The following ZNF654 variants were observed in gnomAD, a reference collection of about 807,000 sequenced individuals.
ZNF654 encodes the protein zinc finger protein 654, also known as melanoma-associated antigen.
A neutral mutation model predicts 95.3 loss-of-function variants in ZNF654; 19 were observed. That is an observed-to-expected ratio of 0.20 (90% CI 0.14 to 0.29). ZNF654 has a LOEUF of 0.29. ZNF654 is among the 10% of genes least tolerant of loss of function. The pLI, the probability that ZNF654 is intolerant of heterozygous loss-of-function variation, is 1.00. For synonymous variants in ZNF654, 413 were observed against 457.9 expected (o/e 0.90, Z 1.25); for missense variants, 1,046 against 1,341.0 (o/e 0.78, Z 3.44).
rs1706989064 is a variant in ZNF654, at chr3:88,139,503, G to C, written c.1834G>C (p.Glu612Gln). The C allele has an allele frequency of 6.2e-7, 1 of 1,613,482 alleles. No individual in the cohort carries two copies. Among genetic ancestry groups the C allele is most frequent in the Admixed American group, 1.7e-5 (1 of 59,940 alleles). The change falls in exon 8 of 9, where the codon GAA (glutamate) becomes CAA (glutamine). Residue 612 changes from glutamate (E) to glutamine (Q), a missense_variant. Coordinates refer to ENST00000636215, the MANE Select transcript of ZNF654 (RefSeq NM_001350134.2). ...TGCTGCAGCTCAACAGGATGATCAGGAAGTCACTGCTTTGGAAGAAATAAA... is the reference window on the plus strand; with the variant it reads ...TGCTGCAGCTCAACAGGATGATCAGCAAGTCACTGCTTTGGAAGAAATAAA... ...QIAAAQQDDQ[E>Q]VTALEEINCS...
chr3:88,132,007 A>G (rs778548719), intron 6 of ZNF654, among the ~76,000 whole-genome samples: 2 of 152,118 alleles, frequency 1.3e-5, no homozygotes, highest in Non-Finnish European at 2.9e-5. Flanking sequence ...CTTCACAATC[A>G]TTAATAATAA....
chr3:88,076,573 T>C (rs1316796822), intron 1 of ZNF654, among the ~76,000 whole-genome samples: 2 of 152,100 alleles, frequency 1.3e-5, no homozygotes, highest in Non-Finnish European at 2.9e-5. Flanking sequence ...TCATCTGTTT[T>C]GTTTTGTTTT....
At chr3:88,084,659 T>C (rs1708247263) in intron 1 of ZNF654, among the ~76,000 whole-genome samples, 2 of 152,202 alleles carry the variant, frequency 1.3e-5, no homozygotes, top group Admixed American at 1.3e-4. Flanking sequence ...TGTCAAGAAC[T>C]GTGAAGAGTG....
intron 2 of ZNF654, among the ~76,000 whole-genome samples, chr3:88,099,588 C>G (rs1704281151): frequency 6.6e-6 from 1 of 152,080 alleles, no homozygotes; most frequent in Admixed American, 6.6e-5. Flanking sequence ...TACAAGGCTA[C>G]AGTAACCAAA....
Position 88,116,834 on chromosome 3 carries a change from C to A in ZNF654, c.414+3638C>A, listed in dbSNP as rs138367562. 2.6e-3 allele frequency among the ~76,000 whole-genome samples: 399 copies of A among 152,128 alleles called. 1 individual carries two copies. Among genetic ancestry groups the A allele is most frequent in the African/African-American group, 9.3e-3 (388 of 41,522 alleles). On this transcript the variant is annotated intron_variant, in intron 3 of 8. Transcript: ENST00000636215. ...TTAAACTGTAGTACATGTAAACTTT[C>A]TTCTTCTCTCTTTGTTTGGGCATGA... is the stretch of plus-strand genomic sequence containing the variant.
chr3:88,064,359 A>T (rs1707075551), intron 1 of ZNF654, among the ~76,000 whole-genome samples: 1 of 152,080 alleles, frequency 6.6e-6, no homozygotes, highest in African/African-American at 2.4e-5. Context: ...CACTATGTAC[A>T]CTTTGATTAT....
chr3:88,080,009 G>T (rs1293283204), intron 1 of ZNF654, among the ~76,000 whole-genome samples: 1 of 151,806 alleles, frequency 6.6e-6, no homozygotes, highest in Non-Finnish European at 1.5e-5. Flanking sequence ...TGATAGAAAA[G>T]GTCAAATTGA....
rs1707034331 is a variant in ZNF654, at chr3:88,140,191, T to TC, written c.2522_2523insC (p.Phe842IlefsTer6). On this transcript the variant is annotated frameshift_variant, in exon 8 of 9. Transcript: ENST00000636215. LOFTEE classifies it high-confidence loss of function. ...GCCCAGCACACAAAAAGTCACAGGATATTTCAGGCTCAGTGTAGTTTTCCA... is the reference window on the plus strand; with the variant it reads ...GCCCAGCACACAAAAAGTCACAGGATCATTTCAGGCTCAGTGTAGTTTTCCA... 32 of 1,613,554 alleles carry TC rather than the reference T, an allele frequency of 2.0e-5. No individual in the cohort carries two copies. Among genetic ancestry groups the TC allele is most frequent in the Non-Finnish European group, 2.7e-5 (32 of 1,179,754 alleles).
At chr3:88,097,693 C>CA (rs1704145107) in intron 2 of ZNF654, among the ~76,000 whole-genome samples, 1 of 152,162 alleles carries the variant, frequency 6.6e-6, no homozygotes, top group Non-Finnish European at 1.5e-5. Context: ...CAAAACCGCT[C>CA]AACTACATGG....
intron 3 of ZNF654, among the ~76,000 whole-genome samples, chr3:88,123,690 C>T (rs192646708): frequency 6.6e-6 from 1 of 152,258 alleles, no homozygotes; most frequent in Admixed American, 6.5e-5. Flanking sequence ...AGTTCTAAGT[C>T]CCATAGTACT....
chr3:88,116,295 C>T (rs1705387066), intron 3 of ZNF654, among the ~76,000 whole-genome samples: 1 of 151,952 alleles, frequency 6.6e-6, no homozygotes, highest in Admixed American at 6.6e-5. Flanking sequence ...CCGAGGCGGG[C>T]AGATCACCTG....
At position 88,126,199 on chromosome 3, in the gene ZNF654, A is replaced by T. The variant is rs753055554; in HGVS notation, c.480A>T (p.Arg160Ser). 2.4e-5 allele frequency: 37 copies of T among 1,531,334 alleles called. No individual in the cohort carries two copies. The highest frequency in any genetic ancestry group is 5.5e-5 in the African/African-American group (4 of 72,996). The allele number at this position is 1,531,334 out of a possible 1,614,324, so 94.9% of individuals were successfully genotyped here. A position where few individuals can be genotyped will look rare whatever the true frequency, so the allele number is the denominator to read the frequency against. ...TGGAACTGGTGACTCGAATCATTAG[A>T]GATGGTGGCCCATGGGAAGATCCAG... is the stretch of plus-strand genomic sequence containing the variant. ...VNLELVTRIIRDGGPWEDPVL... is the reference protein window; with the variant it reads ...VNLELVTRIISDGGPWEDPVL... Residue 160 changes from arginine to serine, a missense_variant, in exon 4 of 9, where the codon AGA becomes AGT. Physicochemically the swap from Arg to Ser is moderately radical, Grantham distance 110. This residue lies in a region of ZNF654 where 91 missense variants were observed against 190.5 expected (regional missense o/e 0.48). Transcript: ENST00000636215.
At chr3:88,071,186 A>G (rs1707489407) in intron 1 of ZNF654, among the ~76,000 whole-genome samples, 1 of 152,238 alleles carries the variant, frequency 6.6e-6, no homozygotes, top group Non-Finnish European at 1.5e-5. Context: ...TTATTTAAAA[A>G]GTAAGAAATT....
At chr3:88,091,790 G>A (rs374319544) in intron 2 of ZNF654, among the ~76,000 whole-genome samples, 45 of 152,216 alleles carry the variant, frequency 3.0e-4, no homozygotes, top group African/African-American at 9.9e-4. Context: ...CTTGCCTGCC[G>A]CCATGTAAGA....
At chr3:88,074,712 C>T (rs1217317884) in intron 1 of ZNF654, among the ~76,000 whole-genome samples, 2 of 152,116 alleles carry the variant, frequency 1.3e-5, no homozygotes, top group East Asian at 3.9e-4. Context: ...ACCCAATACC[C>T]ATTAAATTTA....
At chr3:88,129,335 A>C (rs1244245682) in intron 5 of ZNF654, among the ~76,000 whole-genome samples, 2 of 150,906 alleles carry the variant, frequency 1.3e-5, no homozygotes, top group African/African-American at 4.8e-5. Context: ...AAAAAAAAAA[A>C]AAAAAAAAAA....
intron 1 of ZNF654, among the ~76,000 whole-genome samples, chr3:88,070,563 GTTTTTTTTTTT>G (rs67079285): frequency 0.72 from 80,892 of 112,748 alleles, 28,005 homozygotes; most frequent in South Asian, 0.88. Context: ...AACACTGCCT[GTTTTTTTTTTT>G]TTTTTTTTTT....
chr3:88,120,622 A>G (rs1466569058), intron 3 of ZNF654, among the ~76,000 whole-genome samples: 2 of 152,156 alleles, frequency 1.3e-5, no homozygotes, highest in Non-Finnish European at 2.9e-5. Flanking sequence ...AATAATACCT[A>G]AGACCAGGGT....
chr3:88,064,034 T>C, intron 1 of ZNF654, among the ~76,000 whole-genome samples: 1 of 152,192 alleles, frequency 6.6e-6, no homozygotes, highest in East Asian at 1.9e-4. Context: ...TTTTGTTTCT[T>C]TGATCAACAC....
Sources: allele counts gnomAD v4.1 joint callset (sites outside exome capture counted in the v4.1 genomes callset), GRCh38; gene constraint gnomAD v4.1.1; regional missense constraint gnomAD v4.1.1; transcripts MANE v1.5; gene names NCBI Gene and HGNC (gene_info 2026-07-23, HGNC 2026-07-21).